The following DOCK9 variants were observed in gnomAD, a reference collection of about 807,000 sequenced individuals.
DOCK9 encodes the protein dedicator of cytokinesis protein 9.
Under a neutral mutation model 263.3 loss-of-function variants are expected in DOCK9, and 89 were observed. The ratio of observed to expected loss-of-function variants is 0.34; its 90% confidence interval spans 0.28 to 0.40. The LOEUF (loss-of-function observed/expected upper bound fraction) is 0.40, where lower values mean the gene tolerates loss of function less well. DOCK9 is among the 10% of genes least tolerant of loss of function. The probability of loss-of-function intolerance (pLI) is 1.00; values close to 1 mark genes in which losing one functional copy is unlikely to be tolerated. For missense variants in DOCK9, 2,140 were observed against 2,603.4 expected, an observed-to-expected ratio of 0.82 and a Z score of 3.87; for synonymous variants, 976 against 973.1, an observed-to-expected ratio of 1.00 and a Z score of -0.06.
At chr13:99,082,725 G>A (rs1211358582) in intron 1 of DOCK9, among the ~76,000 whole-genome samples, 1 of 152,040 alleles carries the variant, frequency 6.6e-6, no homozygotes, top group Non-Finnish European at 1.5e-5. Context: ...GCCAGCCACT[G>A]CCTAAGAGCT....
chr13:98,966,880 G>T (rs758032871), intron 1 of DOCK9, among the ~76,000 whole-genome samples: 2 of 152,186 alleles, frequency 1.3e-5, no homozygotes, highest in African/African-American at 4.8e-5. Context: ...CAGTACAATG[G>T]TTCTCTAAGT....
intron 18 of DOCK9, among the ~76,000 whole-genome samples, chr13:98,887,615 CAAAAAAAAAAAAAAAA>C (rs58976892): frequency 2.7e-5 from 1 of 37,218 alleles, no homozygotes; most frequent in Non-Finnish European, 4.2e-5. Context: ...GACTCCATCT[CAAAAAAAAAAAAAAAA>C]AAAAAAAAAA....
At chr13:99,067,072 T>C (rs900463463) in intron 1 of DOCK9, among the ~76,000 whole-genome samples, 3 of 152,174 alleles carry the variant, frequency 2.0e-5, no homozygotes, top group Non-Finnish European at 4.4e-5. Context: ...GGTCACAACC[T>C]TCCTTCTTCC....
chr13:98,816,433 G>T (rs1376682869), intron 45 of DOCK9, among the ~76,000 whole-genome samples: 2 of 152,036 alleles, frequency 1.3e-5, no homozygotes, highest in African/African-American at 4.8e-5. Context: ...TGCGAGCAAC[G>T]GGTACTGATT....
chr13:98,815,694 G>C (rs570329713), intron 45 of DOCK9, among the ~76,000 whole-genome samples: 2 of 152,220 alleles, frequency 1.3e-5, no homozygotes, highest in South Asian at 4.2e-4. Flanking sequence ...TGTTAGCCAG[G>C]ATGGTCTCAA....
chr13:98,944,430 A>G (rs2056435829), intron 2 of DOCK9, among the ~76,000 whole-genome samples: 1 of 151,824 alleles, frequency 6.6e-6, no homozygotes. Flanking sequence ...CTGAGGAAAA[A>G]AAAAATAAAG....
chr13:98,910,105 G>A (rs1229240055), intron 9 of DOCK9, among the ~76,000 whole-genome samples: 1 of 152,130 alleles, frequency 6.6e-6, no homozygotes, highest in African/African-American at 2.4e-5. Flanking sequence ...AAAACATAAG[G>A]TGGGTTTTCT....
chr13:98,919,704 T>G (rs1309207969), intron 7 of DOCK9, among the ~76,000 whole-genome samples: 2 of 152,216 alleles, frequency 1.3e-5, no homozygotes, highest in East Asian at 3.8e-4. Context: ...TGAATGATCT[T>G]CATTCTGAGA....
In DOCK9 at chr13:98,908,827, T is replaced by C. The variant is rs149049789; in HGVS notation, c.961-4121A>G. ...AAACAACTTTGGGTATTTTTACTTATTGCGGCAAGCACGCTTCTTTTTAAT... is the reference window on the plus strand; with the variant it reads ...AAACAACTTTGGGTATTTTTACTTACTGCGGCAAGCACGCTTCTTTTTAAT... On this transcript the variant is annotated intron_variant, in intron 9 of 52. Coordinates refer to ENST00000682017, the MANE Select transcript of DOCK9 (RefSeq NM_001366683.2). 3.1e-3 allele frequency among the ~76,000 whole-genome samples: 469 copies of C among 152,350 alleles called. 16 individuals carry two copies. Among genetic ancestry groups the C allele is most frequent in the East Asian group, 2.1e-3 (11 of 5,190 alleles).
At chr13:98,936,780 G>A (rs2054920251) in intron 2 of DOCK9, among the ~76,000 whole-genome samples, 2 of 152,184 alleles carry the variant, frequency 1.3e-5, no homozygotes. Context: ...GACAAGGGAA[G>A]ACTATAGCAT....
chr13:98,944,664 T>G (rs1001288054), intron 2 of DOCK9, among the ~76,000 whole-genome samples: 4 of 152,236 alleles, frequency 2.6e-5, no homozygotes, highest in Non-Finnish European at 5.9e-5. Context: ...CACCCTCCCC[T>G]GCCTGTAACA....
intron 1 of DOCK9, among the ~76,000 whole-genome samples, chr13:98,993,485 T>C (rs945646306): frequency 6.6e-6 from 1 of 152,194 alleles, no homozygotes; most frequent in African/African-American, 2.4e-5. Context: ...GTGGCTGTCT[T>C]GGAGAGAAGC....
chr13:99,021,858 T>C (rs1886152062), intron 1 of DOCK9, among the ~76,000 whole-genome samples: 1 of 151,950 alleles, frequency 6.6e-6, no homozygotes, highest in Non-Finnish European at 1.5e-5. Context: ...AAATACCTAA[T>C]GCACGCGGGG....
At chr13:98,958,125 G>A (rs2058263989) in intron 1 of DOCK9, among the ~76,000 whole-genome samples, 1 of 152,260 alleles carries the variant, frequency 6.6e-6, no homozygotes, top group South Asian at 2.1e-4. Flanking sequence ...AATGTTATTA[G>A]GTTTGGGGAT....
chr13:98,864,339 A>T (rs1218540927), intron 30 of DOCK9, among the ~76,000 whole-genome samples: 2 of 152,364 alleles, frequency 1.3e-5, no homozygotes, highest in East Asian at 3.9e-4. Flanking sequence ...ACATAAAAAC[A>T]GCTAAACATC....
At chr13:98,994,133 T>C (rs1471399421) in intron 1 of DOCK9, among the ~76,000 whole-genome samples, 5 of 152,224 alleles carry the variant, frequency 3.3e-5, no homozygotes, top group Non-Finnish European at 7.3e-5. Context: ...TTTATCTACT[T>C]TAGAAAAGTC....
chr13:98,914,311 A>T lies in DOCK9; in HGVS notation c.960+17T>A, dbSNP rs755658829. The T allele has an allele frequency of 6.2e-7, 1 of 1,602,008 alleles. No individual in the cohort carries two copies. Among genetic ancestry groups the T allele is most frequent in the East Asian group, 2.2e-5 (1 of 44,638 alleles). Reference sequence around the variant, plus strand: ...AACAGCATTCAACGAAGAGCAGAAGATATAAGACGATGTTACCTTGGCAAG... The same window carrying T: ...AACAGCATTCAACGAAGAGCAGAAGTTATAAGACGATGTTACCTTGGCAAG... On this transcript the variant is annotated intron_variant, in intron 9 of 52. Transcript: ENST00000682017.
At chr13:99,080,132 CTT>C (rs1317232319) in intron 1 of DOCK9, among the ~76,000 whole-genome samples, 1 of 152,160 alleles carries the variant, frequency 6.6e-6, no homozygotes, top group East Asian at 1.9e-4. Context: ...ACAAATAACT[CTT>C]ATATTTCACT....
At chr13:98,915,308 G>C (rs1281733917) in intron 8 of DOCK9, 21 bp downstream of exon 8, 23 of 1,609,522 alleles carry the variant, frequency 1.4e-5, no homozygotes, top group Non-Finnish European at 1.8e-5. Flanking sequence ...TATGTGCCTG[G>C]GGGAAGCCAA....
Sources: gnomAD v4.1 joint callset for allele counts (sites outside exome capture counted in the v4.1 genomes callset) on GRCh38, gnomAD v4.1.1 for gene constraint, MANE v1.5 for transcripts, NCBI Gene and HGNC (gene_info 2026-07-23, HGNC 2026-07-21) for gene names.